Variants in EFCAB5 observed in about 807,000 individuals in gnomAD.
EFCAB5 encodes the protein EF-hand calcium binding domain 5.
A neutral mutation model predicts 167.9 loss-of-function variants in EFCAB5; 131 were observed. The ratio of observed to expected loss-of-function variants is 0.78; its 90% confidence interval spans 0.68 to 0.90. The LOEUF is 0.90. Ranked by LOEUF, EFCAB5 falls within the 40% of genes least tolerant of loss-of-function variation. The probability of loss-of-function intolerance (pLI) is 0.00; values close to 1 mark genes in which losing one functional copy is unlikely to be tolerated. For synonymous variants in EFCAB5, 574 were observed against 602.8 expected (o/e 0.95, Z 0.70); for missense variants, 1,663 against 1,745.2 (o/e 0.95, Z 0.84).
rs1164504252 is a variant in EFCAB5, at chr17:30,080,938, A to G, written c.3383A>G (p.His1128Arg). 1 of 1,613,464 alleles carries G rather than the reference A, an allele frequency of 6.2e-7. No homozygotes were observed. The highest frequency in any genetic ancestry group is 2.2e-5 in the East Asian group (1 of 44,870). The change falls in exon 17 of 23, where the codon CAC becomes CGC. Residue 1128 changes from histidine to arginine, a missense_variant. His to Arg is a conservative substitution (Grantham distance 29). Transcript: ENST00000394835. ...GCTGTTGATACCCTTAGAGATCCCC[A>G]CGAAATAAACATCTTTCTACCTCAT... is the stretch of plus-strand genomic sequence containing the variant. ...VLAVDTLRDP[H>R]EINIFLPHEI...
At chr17:30,084,857 TTC>T (rs935713890) in intron 18 of EFCAB5, among the ~76,000 whole-genome samples, 7 of 152,152 alleles carry the variant, frequency 4.6e-5, no homozygotes, top group African/African-American at 1.4e-4. Context: ...GCATTGATGC[TTC>T]TGTTTCCCTC....
intron 7 of EFCAB5, among the ~76,000 whole-genome samples, chr17:30,024,577 A>T (rs2151715298): frequency 6.6e-6 from 1 of 152,206 alleles, no homozygotes; most frequent in African/African-American, 2.4e-5. Context: ...ATGGGTAGGA[A>T]GAATCAATAT....
intron 22 of EFCAB5, among the ~76,000 whole-genome samples, chr17:30,105,698 G>T (rs542577350): frequency 6.6e-6 from 1 of 152,184 alleles, no homozygotes; most frequent in African/African-American, 2.4e-5. Context: ...CTATAATCTG[G>T]AAAGAATTTT....
rs138159596 is a variant in EFCAB5 at position 29,954,338 on chromosome 17, G to A, written c.190+10689G>A. Among the ~76,000 whole-genome samples, 507 of 152,216 alleles carry A rather than the reference G, an allele frequency of 3.3e-3. 2 individuals are homozygous for A. Among genetic ancestry groups the A allele is most frequent in the Non-Finnish European group, 5.9e-3 (399 of 67,996 alleles). On this transcript the variant is annotated intron_variant, in intron 3 of 22. Coordinates refer to ENST00000394835, the MANE Select transcript of EFCAB5 (RefSeq NM_198529.4). ...AGGAGGGAAAATGGTTTCATAGGTC[G>A]GGCCCAGGGACCCCCTTGCTGTGTG...
intron 4 of EFCAB5, among the ~76,000 whole-genome samples, chr17:29,970,671 C>CACACACACACAT (rs2067934601): frequency 7.1e-6 from 1 of 140,274 alleles, no homozygotes; most frequent in East Asian, 2.1e-4. Flanking sequence ...CACACACATA[C>CACACACACACAT]ACACACACAC....
chr17:30,081,427 G>T (rs2070986933), intron 17 of EFCAB5, among the ~76,000 whole-genome samples: 1 of 152,058 alleles, frequency 6.6e-6, no homozygotes, highest in Non-Finnish European at 1.5e-5. Context: ...AATTTTTGAG[G>T]ATGAAAAATA....
chr17:29,941,889 A>C (rs777535384), intron 1 of EFCAB5, 51 bp downstream of exon 1: 15 of 1,529,964 alleles, frequency 9.8e-6, no homozygotes, highest in Non-Finnish European at 1.3e-5. Context: ...TTGAGATTCA[A>C]CATTCTTGGG....
intron 10 of EFCAB5, among the ~76,000 whole-genome samples, chr17:30,054,999 A>G (rs73267660): frequency 0.015 from 2,324 of 152,284 alleles, 62 homozygotes; most frequent in African/African-American, 0.052. Flanking sequence ...CTTTGAAGTG[A>G]AAAGGTGAAA....
At chr17:29,956,097 A>T (rs528842324) in intron 3 of EFCAB5, among the ~76,000 whole-genome samples, 1 of 152,368 alleles carries the variant, frequency 6.6e-6, no homozygotes, top group East Asian at 1.9e-4. Flanking sequence ...TGGTGTTGGG[A>T]TAACTGGCTA....
intron 8 of EFCAB5, among the ~76,000 whole-genome samples, chr17:30,035,354 T>C (rs1299673737): frequency 6.6e-6 from 1 of 152,208 alleles, no homozygotes; most frequent in Non-Finnish European, 1.5e-5. Context: ...GAGCAATTAA[T>C]TGAGGTTTGC....
chr17:30,077,238 G>A (rs1380057856), intron 14 of EFCAB5, among the ~76,000 whole-genome samples: 1 of 152,176 alleles, frequency 6.6e-6, no homozygotes, highest in Non-Finnish European at 1.5e-5. Flanking sequence ...GGAGATGGAG[G>A]TTGCAGTAAG....
intron 7 of EFCAB5, among the ~76,000 whole-genome samples, chr17:30,007,071 T>C (rs143005625): frequency 2.1e-4 from 32 of 152,330 alleles, no homozygotes; most frequent in African/African-American, 7.2e-4. Context: ...GTCCTGTTGA[T>C]AGAAGATAAA....
intron 3 of EFCAB5, among the ~76,000 whole-genome samples, chr17:29,948,305 T>G (rs1411220350): frequency 1.3e-5 from 2 of 152,206 alleles, no homozygotes; most frequent in African/African-American, 4.8e-5. Context: ...AGCAAGAGTT[T>G]GTGGTCTTTC....
At chr17:30,030,431 C>T (rs1026986710) in intron 7 of EFCAB5, among the ~76,000 whole-genome samples, 5 of 152,090 alleles carry the variant, frequency 3.3e-5, no homozygotes, top group Non-Finnish European at 7.4e-5. Context: ...GCAACCTCTG[C>T]CTCCCGGGTT....
intron 7 of EFCAB5, among the ~76,000 whole-genome samples, chr17:30,025,314 A>G (rs940648887): frequency 3.9e-5 from 6 of 152,142 alleles, no homozygotes; most frequent in African/African-American, 1.4e-4. Flanking sequence ...ACTCAAACAA[A>G]TTTACAAGAA....
At chr17:30,076,568 T>A (rs1328216832) in intron 14 of EFCAB5, among the ~76,000 whole-genome samples, 2 of 152,238 alleles carry the variant, frequency 1.3e-5, no homozygotes, top group Non-Finnish European at 2.9e-5. Context: ...ATTTGTTAAT[T>A]GTCAAATAAA....
At chr17:30,101,188 G>T (rs1269297637) in intron 22 of EFCAB5, among the ~76,000 whole-genome samples, 1 of 152,182 alleles carries the variant, frequency 6.6e-6, no homozygotes, top group Admixed American at 6.5e-5. Context: ...GCAGAGGAAC[G>T]ATATGACCTA....
Position 29,941,687 on chromosome 17 carries a change from T to A in EFCAB5, c.-110T>A. 1 of 983,694 alleles carries A rather than the reference T, an allele frequency of 1.0e-6. No individual in the cohort carries two copies. Among genetic ancestry groups the A allele is most frequent in the Non-Finnish European group, 1.5e-6 (1 of 667,238 alleles). 60.9% of individuals were successfully genotyped at this position (983,694 alleles called of 1,614,324 possible). A position where few individuals can be genotyped will look rare whatever the true frequency, so the allele number is the denominator to read the frequency against. On this transcript the variant is annotated 5_prime_UTR_variant, in exon 1 of 23. Coordinates refer to ENST00000394835, the MANE Select transcript of EFCAB5 (RefSeq NM_198529.4). The stretch of plus-strand genomic sequence containing the variant: ...GAGGGCAGGAGTGAGGGAGCTTTTT[T>A]AACTTCTGGAGTACTTTGTGATGTT...
At chr17:30,065,348 G>T (rs560594116) in intron 14 of EFCAB5, among the ~76,000 whole-genome samples, 1 of 152,264 alleles carries the variant, frequency 6.6e-6, no homozygotes, top group African/African-American at 2.4e-5. Flanking sequence ...AAAAGATATA[G>T]ATTAGCTCAA....
Sources: allele counts gnomAD v4.1 joint callset (sites outside exome capture counted in the v4.1 genomes callset), GRCh38; gene constraint gnomAD v4.1.1; transcripts MANE v1.5; gene names NCBI Gene and HGNC (gene_info 2026-07-23, HGNC 2026-07-21).